The following PIK3CD variants were observed in gnomAD, a reference collection of about 807,000 sequenced individuals.
PIK3CD encodes phosphatidylinositol 4,5-bisphosphate 3-kinase catalytic subunit delta isoform.
PIK3CD carries 20 observed loss-of-function variants against 122.9 expected under a neutral mutation model. The ratio of observed to expected loss-of-function variants is 0.16; its 90% CI spans 0.11 to 0.24. PIK3CD has a LOEUF of 0.24. Ranked by LOEUF, PIK3CD falls within the 10% of genes least tolerant of loss-of-function variation. The pLI, the probability that PIK3CD is intolerant of heterozygous loss-of-function variation, is 1.00. For synonymous variants in PIK3CD, 596 were observed against 593.4 expected (o/e 1.00, Z -0.06); for missense variants, 787 against 1,406.3 (o/e 0.56, Z 7.04).
intron 1 of PIK3CD, among the ~76,000 whole-genome samples, chr1:9,666,093 A>AT (rs1463133274): frequency 6.6e-6 from 1 of 151,472 alleles, no homozygotes; most frequent in Non-Finnish European, 1.5e-5. Context: ...TACCCTGCTA[A>AT]TTTTTTGTAT....
At chr1:9,659,481 C>A (rs1367265257) in intron 1 of PIK3CD, among the ~76,000 whole-genome samples, 2 of 152,146 alleles carry the variant, frequency 1.3e-5, no homozygotes, top group Admixed American at 6.6e-5. Flanking sequence ...CCACCGCCCA[C>A]CCTCAGGCAT....
chr1:9,685,333 A>C (rs572728826), intron 1 of PIK3CD, among the ~76,000 whole-genome samples: 1 of 152,062 alleles, frequency 6.6e-6, no homozygotes, highest in African/African-American at 2.4e-5. Context: ...TGTTGTCTTT[A>C]GTTGCTTTTT....
Position 9,691,586 on chromosome 1 carries a change from C to T in PIK3CD, c.-33+15C>T, listed in dbSNP as rs553075289. 9 of 398,354 alleles carry T rather than the reference C, an allele frequency of 2.3e-5. No individual in the cohort carries two copies. The highest frequency in any genetic ancestry group is 1.3e-4 in the South Asian group (1 of 7,842). The allele number at this position is 398,354 out of a possible 1,614,324, so 24.7% of individuals were successfully genotyped here. A position where few individuals can be genotyped will look rare whatever the true frequency, so the allele number is the denominator to read the frequency against. The stretch of plus-strand genomic sequence containing the variant: ...ATTCCAGAGAGGTAGGTTGGGGGAA[C>T]GGGCCAAGTGTGTGGGGGAAGGGAA... On this transcript the variant is annotated intron_variant, in intron 2 of 23. Transcript: ENST00000377346.
upstream of PIK3CD, among the ~76,000 whole-genome samples, chr1:9,647,481 A>AATTATTATTATTATT (rs61118085): frequency 7.5e-3 from 1,051 of 139,428 alleles, 11 homozygotes; most frequent in East Asian, 0.011. Flanking sequence ...TCATGATTCT[A>AATTATTATTATTATT]ATTATTATTA....
chr1:9,722,985 ATC>A lies in PIK3CD; in HGVS notation c.2427-135_2427-134del. ...GTGCCGGCATCTCCAAGGAGCCAGC[ATC>A]TCTCACCTGCTTTTTAGCAATGTGG... On this transcript the variant is annotated intron_variant, in intron 19 of 23. Transcript: ENST00000377346. The surrounding 1 kb of genome is among the most constrained non-coding windows in gnomAD (Gnocchi z 7.6). 1.2e-6 allele frequency: 1 copy of A among 848,658 alleles called. No individual in the cohort carries two copies. The highest frequency in any genetic ancestry group is 2.0e-6 in the Non-Finnish European group (1 of 496,886). The allele number at this position is 848,658 out of a possible 1,614,324, so 52.6% of individuals were successfully genotyped here.
At position 9,689,579 on chromosome 1, in the gene PIK3CD, G is replaced by C; in HGVS notation, c.-137-1888G>C. Among the ~76,000 whole-genome samples, 1 of 149,488 alleles carries C rather than the reference G, an allele frequency of 6.7e-6. No individual in the cohort carries two copies. The highest frequency in any genetic ancestry group is 2.0e-4 in the East Asian group (1 of 5,128). On this transcript the variant is annotated intron_variant, in intron 1 of 23. Transcript: ENST00000377346. The surrounding 1 kb of genome is among the most constrained non-coding windows in gnomAD (Gnocchi z 6.1). ...AGCCCCGCTTGCCTGCACCTCGCGCGGCGGGCCTGCCCTCCGGCCCCCGCC... is the reference window on the plus strand; with the variant it reads ...AGCCCCGCTTGCCTGCACCTCGCGCCGCGGGCCTGCCCTCCGGCCCCCGCC...
chr1:9,673,279 A>C (rs1645392155), intron 1 of PIK3CD, among the ~76,000 whole-genome samples: 1 of 151,630 alleles, frequency 6.6e-6, no homozygotes, highest in Non-Finnish European at 1.5e-5. Context: ...TAATTTTTTG[A>C]AACAGAGTCT....
rs564383671 is a variant in PIK3CD, at chr1:9,727,302, T to G, written c.*256T>G. 9.3e-6 allele frequency: 5 copies of G among 538,322 alleles called. No homozygotes were observed. The South Asian group carries it at 1.0e-4, about 11-fold the overall frequency. The allele number at this position is 538,322 out of a possible 1,614,324, so 33.3% of individuals were successfully genotyped here. Reference sequence around the variant, plus strand: ...GCTGCACCTGGCTCTCGGCTGAGGATTGTCACCCCAAGTCTTCCAGCTGGT... The same window carrying G: ...GCTGCACCTGGCTCTCGGCTGAGGAGTGTCACCCCAAGTCTTCCAGCTGGT... On this transcript the variant is annotated 3_prime_UTR_variant, in exon 24 of 24. Transcript: ENST00000377346.
intron 2 of PIK3CD, among the ~76,000 whole-genome samples, chr1:9,697,163 G>A (rs1646451935): frequency 6.6e-6 from 1 of 151,990 alleles, no homozygotes; most frequent in East Asian, 1.9e-4. Context: ...CTTGAGCCCA[G>A]GAGTTCAAGA....
rs1557672878 is a variant in PIK3CD, at chr1:9,722,396, T to C, written c.2347+40T>C. 1 of 1,563,936 alleles carries C rather than the reference T, an allele frequency of 6.4e-7. No homozygotes were observed. The highest frequency in any genetic ancestry group is 8.8e-7 in the Non-Finnish European group (1 of 1,137,792). ...TCCCCACACCCCGCCTGTACTGCCC[T>C]GGGGGGTCCTGGGGTGCTCCTAGAG... On this transcript the variant is annotated intron_variant, in intron 18 of 23. Transcript: ENST00000377346. This position sits in a 1 kb window ranked among gnomAD's most constrained non-coding sequence, Gnocchi z 7.6.
the PIK3CD span, among the ~76,000 whole-genome samples, chr1:9,632,587 T>C: frequency 2.6e-5 from 4 of 152,172 alleles, no homozygotes; most frequent in African/African-American, 9.7e-5. Context: ...ACTTGATCTA[T>C]AGAGCAAAAA....
chr1:9,712,026 AG>A (rs957099560), intron 3 of PIK3CD, among the ~76,000 whole-genome samples: 1 of 151,834 alleles, frequency 6.6e-6, no homozygotes, highest in African/African-American at 2.4e-5. Context: ...CCTCCCGAGT[AG>A]CTGGGACTAC....
intron 2 of PIK3CD, among the ~76,000 whole-genome samples, chr1:9,709,295 G>T (rs991067233): frequency 2.0e-5 from 3 of 152,022 alleles, no homozygotes; most frequent in African/African-American, 7.2e-5. Flanking sequence ...CTGCCTGCCT[G>T]GGCCTCCCAA....
the PIK3CD span, among the ~76,000 whole-genome samples, chr1:9,629,941 G>A: frequency 5.9e-5 from 9 of 152,354 alleles, no homozygotes; most frequent in East Asian, 7.7e-4. Context: ...GGGCGGAGGC[G>A]GAGGCCTGCC....
intron 1 of PIK3CD, among the ~76,000 whole-genome samples, chr1:9,674,127 G>A (rs1645425558): frequency 6.6e-6 from 1 of 152,182 alleles, no homozygotes. Flanking sequence ...CTGGGCCAGA[G>A]GCAGGTTCAA....
Position 9,723,217 on chromosome 1 carries a change from A to G in PIK3CD, c.2519A>G (p.Asn840Ser). ...RSDTIANIQL[N>S]KSNMAATAAF... ...GACACCATCGCCAACATCCAACTCA[A>G]CAAGAGCAACATGGCAGCCACAGCC... is the stretch of plus-strand genomic sequence containing the variant. The change falls in exon 20 of 24, where the codon AAC becomes AGC. Residue 840 changes from asparagine to serine, a missense_variant. Asn to Ser is a conservative substitution (Grantham distance 46, BLOSUM62 1). Around this residue, in one of 6 missense-constraint regions of PIK3CD, gnomAD observed 69 missense variants for 166.8 expected, o/e 0.41. Coordinates refer to ENST00000377346, the MANE Select transcript of PIK3CD (RefSeq NM_005026.5). This position sits in a 1 kb window ranked among gnomAD's most constrained non-coding sequence, Gnocchi z 4.9. 1 of 1,613,828 alleles carries G rather than the reference A, an allele frequency of 6.2e-7. No homozygotes were observed. The highest frequency in any genetic ancestry group is 8.5e-7 in the Non-Finnish European group (1 of 1,180,016).
the PIK3CD span, among the ~76,000 whole-genome samples, chr1:9,627,314 C>G: frequency 6.6e-6 from 1 of 152,278 alleles, no homozygotes; most frequent in Admixed American, 6.5e-5. Context: ...GTGGCGGCCT[C>G]TTTGCCTCCT....
chr1:9,707,741 C>T (rs1476820423), intron 2 of PIK3CD, among the ~76,000 whole-genome samples: 1 of 151,562 alleles, frequency 6.6e-6, no homozygotes, highest in Non-Finnish European at 1.5e-5. Context: ...AGAGATAAAA[C>T]GAATGAACTA....
At chr1:9,673,409 A>G (rs1570142307) in intron 1 of PIK3CD, among the ~76,000 whole-genome samples, 1 of 151,984 alleles carries the variant, frequency 6.6e-6, no homozygotes, top group Non-Finnish European at 1.5e-5. Context: ...ACAGTCGTGC[A>G]CAACGCCACA....
Sources: allele counts gnomAD v4.1 joint callset (sites outside exome capture counted in the v4.1 genomes callset), GRCh38; gene constraint gnomAD v4.1.1; regional missense constraint gnomAD v4.1.1; non-coding constraint Gnocchi (gnomAD v3.1); transcripts MANE v1.5; gene names NCBI Gene and HGNC (gene_info 2026-07-23, HGNC 2026-07-21).